RDX: variants seen among roughly 807,000 people sequenced by gnomAD.
RDX encodes deafness, autosomal recessive 24.
In RDX, 32 loss-of-function variants were observed where a neutral mutation model predicts 83.7. The observed-to-expected ratio is 0.38, with a 90% CI of 0.29 to 0.51. RDX has a LOEUF of 0.51. Ranked by LOEUF, RDX falls within the 20% of genes least tolerant of loss-of-function variation. RDX has a pLI of 0.87. For synonymous variants in RDX, 229 were observed against 222.7 expected, an observed-to-expected ratio of 1.03 and a Z score of -0.25; for missense variants, 600 against 689.9, an observed-to-expected ratio of 0.87 and a Z score of 1.46.
intron 10 of RDX, among the ~76,000 whole-genome samples, chr11:110,246,749 CA>C (rs58535261): frequency 1.5e-4 from 21 of 139,786 alleles, no homozygotes; most frequent in Admixed American, 2.1e-4. Flanking sequence ...GACTGTGTCT[CA>C]AAAAAAAAAA....
At chr11:110,225,401 G>T (rs374634588), downstream of RDX, among the ~76,000 whole-genome samples, 18 of 152,062 alleles carry the variant, frequency 1.2e-4, 1 homozygote, top group Admixed American at 8.5e-4. Flanking sequence ...CAAATATAAA[G>T]AATTCCTACA....
chr11:110,180,582 T>C (rs1345530079), intron 15 of RDX, among the ~76,000 whole-genome samples: 1 of 152,030 alleles, frequency 6.6e-6, no homozygotes, highest in African/African-American at 2.4e-5. Context: ...AGTTCTGCTC[T>C]GTAGGGCTCC....
intron 9 of RDX, among the ~76,000 whole-genome samples, chr11:110,253,069 TA>T (rs1165458299): frequency 5.9e-5 from 9 of 152,158 alleles, no homozygotes; most frequent in Admixed American, 3.9e-4. Context: ...TAAAAATCAA[TA>T]AAATCTCTTA....
intron 3 of RDX, among the ~76,000 whole-genome samples, chr11:110,268,048 G>A (rs77359180): frequency 0.016 from 2,442 of 152,150 alleles, 73 homozygotes; most frequent in East Asian, 0.12. Flanking sequence ...GGTGGCTCAC[G>A]CCTGTAATCT....
At chr11:110,249,905 G>A (rs1859258064) in intron 9 of RDX, among the ~76,000 whole-genome samples, 1 of 152,040 alleles carries the variant, frequency 6.6e-6, no homozygotes, top group Non-Finnish European at 1.5e-5. Flanking sequence ...AGGGCCTGGT[G>A]GTCATTCATG....
intron 12 of RDX, 115 bp downstream of exon 12, chr11:110,235,984 G>A (rs535297421): frequency 5.2e-6 from 4 of 772,978 alleles, no homozygotes; most frequent in East Asian, 2.6e-5. Context: ...CACATAACAC[G>A]AGTATCTTTC....
intron 1 of RDX, among the ~76,000 whole-genome samples, chr11:110,287,577 T>C (rs1009419872): frequency 6.6e-6 from 1 of 152,208 alleles, no homozygotes; most frequent in Admixed American, 6.5e-5. Context: ...CACTTTTACC[T>C]AAATAATGAC....
rs182300276 is a variant in RDX at position 110,190,238 on chromosome 11, G to A, written c.*31+9343C>T. Among the ~76,000 whole-genome samples the A allele has an allele frequency of 1.9e-4, 29 of 152,118 alleles. No homozygotes were observed. The East Asian group carries it at 5.0e-3, about 26-fold the overall frequency. The stretch of plus-strand genomic sequence containing the variant: ...GTGGATTACTTGAGGTCAGGAGTTC[G>A]AGACCAGCCTGGCCAACATGGTGAA... On this transcript the variant is annotated intron_variant, in intron 15 of 15. Transcript: ENST00000528498.
rs560083718 is a variant in RDX, at chr11:110,231,617, G to A, written c.*252C>T. ...CTTCAACAGAAAAAAAAAAGAAAAA[G>A]AAAAAAAATGTGAAAAGAGGCAATG... On this transcript the variant is annotated 3_prime_UTR_variant, in exon 14 of 14. Coordinates refer to ENST00000645495, the MANE Select transcript of RDX (RefSeq NM_002906.4). 6 of 505,500 alleles carry A rather than the reference G, an allele frequency of 1.2e-5. No individual in the cohort carries two copies. Among genetic ancestry groups the A allele is most frequent in the Admixed American group, 3.2e-5 (1 of 31,018 alleles). 31.3% of individuals were successfully genotyped at this position (505,500 alleles called of 1,614,324 possible).
intron 5 of RDX, among the ~76,000 whole-genome samples, chr11:110,258,849 A>T (rs568419930): frequency 3.3e-5 from 5 of 151,242 alleles, no homozygotes; most frequent in Non-Finnish European, 7.4e-5. Flanking sequence ...TCTTAATTCA[A>T]ATGTGAGCAA....
At chr11:110,227,086 A>G (rs10749957), downstream of RDX, among the ~76,000 whole-genome samples, 68,789 of 151,982 alleles carry the variant, frequency 0.45, 15,876 homozygotes, top group East Asian at 0.61. Flanking sequence ...TTCAATATAT[A>G]TAAAAGGAAA....
chr11:110,245,484 T>A (rs894237448), intron 10 of RDX, among the ~76,000 whole-genome samples: 2 of 152,146 alleles, frequency 1.3e-5, no homozygotes, highest in Non-Finnish European at 2.9e-5. Context: ...AATGCTAAAT[T>A]AGGGATTATT....
chr11:110,255,987 G>A (rs1380013609), intron 7 of RDX, among the ~76,000 whole-genome samples: 3 of 152,082 alleles, frequency 2.0e-5, no homozygotes. Context: ...GATAGAGATG[G>A]AATTCAAACT....
At chr11:110,222,684 T>C (rs1236476104) in intron 14 of RDX, among the ~76,000 whole-genome samples, 1 of 152,082 alleles carries the variant, frequency 6.6e-6, no homozygotes, top group Non-Finnish European at 1.5e-5. Flanking sequence ...TAGTCCCAGC[T>C]ACTTGGGAGG....
At chr11:110,217,945 T>C (rs1351303866) in intron 14 of RDX, among the ~76,000 whole-genome samples, 1 of 152,230 alleles carries the variant, frequency 6.6e-6, no homozygotes, top group African/African-American at 2.4e-5. Flanking sequence ...ATTAAATTAT[T>C]TATGAATCCT....
intron 11 of RDX, 68 bp from the exon 12 acceptor site, chr11:110,236,259 T>C (rs1864846166): frequency 8.4e-7 from 1 of 1,186,270 alleles, no homozygotes; most frequent in Non-Finnish European, 1.2e-6. Flanking sequence ...GTCAACAAAG[T>C]TTTAATGCAC....
At chr11:110,269,063 C>T (rs935705740) in intron 3 of RDX, among the ~76,000 whole-genome samples, 1 of 151,818 alleles carries the variant, frequency 6.6e-6, no homozygotes, top group Non-Finnish European at 1.5e-5. Context: ...CAGCAGTTCT[C>T]CCACCTCAGC....
chr11:110,192,905 T>C (rs567982075), intron 15 of RDX, among the ~76,000 whole-genome samples: 37 of 152,166 alleles, frequency 2.4e-4, no homozygotes, highest in Middle Eastern at 6.8e-3. Context: ...AGAATTCTTA[T>C]ACACTGTTGG....
intron 14 of RDX, among the ~76,000 whole-genome samples, chr11:110,216,346 G>C (rs535794235): frequency 6.6e-6 from 1 of 151,786 alleles, no homozygotes; most frequent in African/African-American, 2.4e-5. Context: ...GCAAGCAGGT[G>C]TATCTAGTTT....
Sources: gnomAD v4.1 joint callset for allele counts (sites outside exome capture counted in the v4.1 genomes callset) on GRCh38, gnomAD v4.1.1 for gene constraint, MANE v1.5 for transcripts, NCBI Gene and HGNC (gene_info 2026-07-23, HGNC 2026-07-21) for gene names.